Variants in CDIP1 observed in about 807,000 individuals in gnomAD.
The protein encoded by CDIP1 is cell death-inducing p53-target protein 1.
In CDIP1, 9 loss-of-function variants were observed where a neutral mutation model predicts 17.7. The ratio of observed to expected loss-of-function variants is 0.51; its 90% CI spans 0.31 to 0.89. CDIP1 has a LOEUF of 0.89. CDIP1 is among the 40% of genes least tolerant of loss of function. CDIP1 has a pLI of 0.05. For synonymous variants in CDIP1, 117 were observed against 109.5 expected (o/e 1.07, Z -0.43); for missense variants, 263 against 277.9 (o/e 0.95, Z 0.38).
In CDIP1 at chr16:4,513,029, C is replaced by G; in HGVS notation, c.277G>C (p.Gly93Arg). 1.3e-6 allele frequency: 2 copies of G among 1,594,792 alleles called. No homozygotes were observed. Among genetic ancestry groups the G allele is most frequent in the Non-Finnish European group, 1.7e-6 (2 of 1,172,898 alleles). ...YPPPGPHPPM[G>R]YYPPGPYTPG... The stretch of plus-strand genomic sequence containing the variant: ...GTGTAGGGCCCTGGGGGGTAGTAGC[C>G]CATGGGTGGGTGGGGGCCTGGAGGA... Residue 93 changes from glycine (G) to arginine (R), a missense_variant, in exon 5 of 6, where the codon GGC (glycine) becomes CGC (arginine). By Grantham distance (125) the Gly-to-Arg change is moderately radical (BLOSUM62 -2). Transcript: ENST00000567695. This position sits in a 1 kb window ranked among gnomAD's most constrained non-coding sequence, Gnocchi z 4.1.
chr16:4,514,054 G>C lies in CDIP1; in HGVS notation c.77C>G (p.Pro26Arg). The change falls in exon 3 of 6, where the codon CCC becomes CGC. Residue 26 changes from proline (P) to arginine (R), a missense_variant. Pro to Arg is a moderately radical substitution (Grantham distance 103). Coordinates refer to ENST00000567695, the MANE Select transcript of CDIP1 (RefSeq NM_013399.3). The surrounding 1 kb of genome is among the most constrained non-coding windows in gnomAD (Gnocchi z 5.2). The part of the protein sequence containing the change: ...PLLEEKSGAP[P>R]TPGRSSPAVM... ...GAACAGTGACCCCCTACCTGGGGTG[G>C]GCGGGGCTCCACTTTTCTCTTCCAG... 6.6e-7 allele frequency: 1 copy of C among 1,514,966 alleles called. No homozygotes were observed. The highest frequency in any genetic ancestry group is 8.8e-7 in the Non-Finnish European group (1 of 1,137,602). 93.8% of individuals were successfully genotyped at this position (1,514,966 alleles called of 1,614,324 possible). A position where few individuals can be genotyped will look rare whatever the true frequency, so the allele number is the denominator to read the frequency against.
At chr16:4,517,863 G>A (rs1261887295) in intron 1 of CDIP1, among the ~76,000 whole-genome samples, 2 of 152,176 alleles carry the variant, frequency 1.3e-5, no homozygotes, top group Non-Finnish European at 2.9e-5. Context: ...GGAGAAGAGG[G>A]CAGCCTTTCA....
At chr16:4,531,094 T>A (rs142594695) in intron 1 of CDIP1, among the ~76,000 whole-genome samples, 141 of 152,066 alleles carry the variant, frequency 9.3e-4, no homozygotes, top group African/African-American at 3.1e-3. Flanking sequence ...AGTGGCGTGA[T>A]CTCGGCTCAT....
chr16:4,526,518 T>C (rs894306496), intron 1 of CDIP1, among the ~76,000 whole-genome samples: 6 of 150,914 alleles, frequency 4.0e-5, no homozygotes, highest in Non-Finnish European at 1.5e-5. Flanking sequence ...GCTAACATGG[T>C]GAAAACCTGT....
At chr16:4,518,799 T>G (rs1338393810) in intron 1 of CDIP1, among the ~76,000 whole-genome samples, 2 of 152,208 alleles carry the variant, frequency 1.3e-5, no homozygotes, top group Non-Finnish European at 2.9e-5. Context: ...GCAAAATAGT[T>G]TTCCAATAAA....
In CDIP1 at chr16:4,513,126, A is replaced by G; in HGVS notation, c.242-62T>C. The G allele has an allele frequency of 6.9e-7, 1 of 1,457,960 alleles. No individual in the cohort carries two copies. The highest frequency in any genetic ancestry group is 9.1e-7 in the Non-Finnish European group (1 of 1,097,752). The allele number at this position is 1,457,960 out of a possible 1,614,324, so 90.3% of individuals were successfully genotyped here. On this transcript the variant is annotated intron_variant, in intron 4 of 5. Coordinates refer to ENST00000567695, the MANE Select transcript of CDIP1 (RefSeq NM_013399.3). This position sits in a 1 kb window ranked among gnomAD's most constrained non-coding sequence, Gnocchi z 4.1. The stretch of plus-strand genomic sequence containing the variant: ...GGCCTGCCACCTGCACCAGACAAAG[A>G]GATTGGCGCAAAGCCCCACGGTCCA...
chr16:4,529,225 G>A (rs1189358688), intron 1 of CDIP1, among the ~76,000 whole-genome samples: 1 of 152,160 alleles, frequency 6.6e-6, no homozygotes, highest in East Asian at 1.9e-4. Context: ...GGAAAGTTTA[G>A]ATCTGTAAAG....
intron 1 of CDIP1, among the ~76,000 whole-genome samples, chr16:4,517,114 A>G (rs916655479): frequency 6.6e-6 from 1 of 152,234 alleles, no homozygotes; most frequent in Non-Finnish European, 1.5e-5. Context: ...TTGTTAGATT[A>G]TCTCCTCAGG....
rs149585163 is a variant in CDIP1, at chr16:4,528,429, T to G, written c.-105+10273A>C. Among the ~76,000 whole-genome samples the G allele has an allele frequency of 3.4e-3, 524 of 152,292 alleles. 4 individuals are homozygous for G. Among genetic ancestry groups the G allele is most frequent in the African/African-American group, 0.012 (496 of 41,560 alleles). On this transcript the variant is annotated intron_variant, in intron 1 of 5. Transcript: ENST00000567695. ...GGCAGTAGGAGTTTAGGGGATTTGT[T>G]TATATGTAAGTACACATACAGAAAC...
intron 1 of CDIP1, among the ~76,000 whole-genome samples, chr16:4,527,979 G>C (rs566237829): frequency 6.6e-6 from 1 of 152,220 alleles, no homozygotes; most frequent in African/African-American, 2.4e-5. Flanking sequence ...ACTAAGCCTG[G>C]CTAATTTTTG....
intron 1 of CDIP1, chr16:4,536,549 C>G (rs2141665049): frequency 6.6e-6 from 1 of 152,288 alleles, no homozygotes; most frequent in African/African-American, 2.4e-5. Context: ...AGCTCCTTCT[C>G]AAAACAATTT....
At chr16:4,535,987 G>C (rs1021826196) in intron 1 of CDIP1, among the ~76,000 whole-genome samples, 1 of 152,184 alleles carries the variant, frequency 6.6e-6, no homozygotes, top group African/African-American at 2.4e-5. Flanking sequence ...GTGGGGGAAA[G>C]GGAACCTCCT....
At chr16:4,537,514 C>G (rs1293527243) in intron 1 of CDIP1, among the ~76,000 whole-genome samples, 1 of 152,124 alleles carries the variant, frequency 6.6e-6, no homozygotes, top group African/African-American at 2.4e-5. Context: ...CCCCGCCCAG[C>G]ATCAGGCCCC....
chr16:4,527,465 G>A (rs1278970125), intron 1 of CDIP1, among the ~76,000 whole-genome samples: 3 of 152,194 alleles, frequency 2.0e-5, no homozygotes, highest in African/African-American at 4.8e-5. Flanking sequence ...AAAGTACTAA[G>A]GCCTCTAGGA....
At chr16:4,538,587 G>A (rs1272218486) in intron 1 of CDIP1, 115 bp downstream of exon 1, 1 of 152,372 alleles carries the variant, frequency 6.6e-6, no homozygotes, top group Non-Finnish European at 1.5e-5. Flanking sequence ...GGCGGGGAGG[G>A]GGCGCCACGG....
intron 1 of CDIP1, 129 bp downstream of exon 1, chr16:4,538,573 C>G (rs755706978): frequency 1.3e-5 from 2 of 152,254 alleles, no homozygotes; most frequent in African/African-American, 2.4e-5. Context: ...GCGCCGCGGG[C>G]GGGGGCGGGG....
At chr16:4,525,118 T>A (rs564765450) in intron 1 of CDIP1, among the ~76,000 whole-genome samples, 13 of 151,986 alleles carry the variant, frequency 8.6e-5, no homozygotes, top group African/African-American at 3.1e-4. Flanking sequence ...CACAAAAATA[T>A]ATCTCTACAG....
chr16:4,519,303 CAGTT>C (rs1402724715), intron 1 of CDIP1, among the ~76,000 whole-genome samples: 5 of 152,208 alleles, frequency 3.3e-5, no homozygotes, highest in Non-Finnish European at 4.4e-5. Flanking sequence ...AGCAAGCAGT[CAGTT>C]CTGCAGCGGA....
intron 1 of CDIP1, among the ~76,000 whole-genome samples, chr16:4,530,306 T>C (rs2141656287): frequency 6.6e-6 from 1 of 152,324 alleles, no homozygotes; most frequent in South Asian, 2.1e-4. Context: ...TTCACTTACA[T>C]TGGTTGGGTG....
Sources: gnomAD v4.1 joint callset for allele counts (sites outside exome capture counted in the v4.1 genomes callset) on GRCh38, gnomAD v4.1.1 for gene constraint, Gnocchi (gnomAD v3.1) non-coding constraint, MANE v1.5 for transcripts, NCBI Gene and HGNC (gene_info 2026-07-23, HGNC 2026-07-21) for gene names.